PTPRM: variants seen among roughly 807,000 people sequenced by gnomAD.
The protein encoded by PTPRM is protein tyrosine phosphatase receptor type M.
A neutral mutation model predicts 186.7 loss-of-function variants in PTPRM; 47 were observed. That is an observed-to-expected ratio of 0.25 (90% confidence interval 0.20 to 0.32). The LOEUF is 0.32. Among genes scored for constraint, PTPRM ranks in the 10% least tolerant of loss-of-function variants. PTPRM has a pLI of 1.00. For synonymous variants in PTPRM, 668 were observed against 674.9 expected (o/e 0.99, Z 0.16); for missense variants, 1,494 against 1,865.0 (o/e 0.80, Z 3.66).
intron 15 of PTPRM, among the ~76,000 whole-genome samples, chr18:8,244,485 A>G (rs569627015): frequency 1.3e-5 from 2 of 152,304 alleles, no homozygotes; most frequent in African/African-American, 4.8e-5. Flanking sequence ...CTTTTGAGGA[A>G]GAAGGCACCT....
chr18:7,731,251 C>T (rs1011192066), intron 1 of PTPRM, among the ~76,000 whole-genome samples: 2 of 152,096 alleles, frequency 1.3e-5, no homozygotes, highest in Non-Finnish European at 2.9e-5. Flanking sequence ...ACTTTATGGT[C>T]CTTAATTTTC....
At chr18:7,870,081 T>G (rs995120320) in intron 2 of PTPRM, among the ~76,000 whole-genome samples, 1 of 152,200 alleles carries the variant, frequency 6.6e-6, no homozygotes, top group African/African-American at 2.4e-5. Context: ...GAGAGCTGAA[T>G]TTTCAAGATG....
intron 1 of PTPRM, among the ~76,000 whole-genome samples, chr18:7,608,086 G>A (rs191098125): frequency 2.6e-5 from 4 of 152,186 alleles, no homozygotes; most frequent in Admixed American, 6.5e-5. Flanking sequence ...GGAAGGCAGC[G>A]TTCCTGGGAG....
At chr18:7,998,026 G>A (rs1407365430) in intron 7 of PTPRM, among the ~76,000 whole-genome samples, 1 of 152,134 alleles carries the variant, frequency 6.6e-6, no homozygotes, top group Admixed American at 6.6e-5. Context: ...CCACTGCTGG[G>A]TATTTGGGTA....
chr18:7,821,723 C>T (rs1369519315), intron 2 of PTPRM, among the ~76,000 whole-genome samples: 2 of 152,154 alleles, frequency 1.3e-5, no homozygotes, highest in African/African-American at 2.4e-5. Flanking sequence ...GTTCCTTGAA[C>T]ACAAACACTG....
chr18:8,005,652 G>A (rs1392902280), intron 7 of PTPRM, among the ~76,000 whole-genome samples: 4 of 152,136 alleles, frequency 2.6e-5, no homozygotes, highest in Non-Finnish European at 4.4e-5. Context: ...TCTTTGTGCA[G>A]TGGTGCCTTT....
intron 1 of PTPRM, among the ~76,000 whole-genome samples, chr18:7,638,113 T>A (rs2038361465): frequency 6.6e-6 from 1 of 152,120 alleles, no homozygotes; most frequent in Non-Finnish European, 1.5e-5. Context: ...GAAGACTGAT[T>A]AGTTGAAGTC....
At chr18:7,767,727 G>C (rs1280232020) in intron 1 of PTPRM, among the ~76,000 whole-genome samples, 1 of 152,042 alleles carries the variant, frequency 6.6e-6, no homozygotes, top group Non-Finnish European at 1.5e-5. Context: ...AAAAAAGAAA[G>C]AGAATTCAAC....
intron 1 of PTPRM, among the ~76,000 whole-genome samples, chr18:7,587,915 T>G (rs549119796): frequency 1.3e-5 from 2 of 152,240 alleles, no homozygotes; most frequent in South Asian, 4.1e-4. Flanking sequence ...TTCAAGTAAG[T>G]TTTAATTTGC....
At chr18:7,685,718 T>G (rs1294856263) in intron 1 of PTPRM, among the ~76,000 whole-genome samples, 1 of 148,102 alleles carries the variant, frequency 6.8e-6, no homozygotes, top group Non-Finnish European at 1.5e-5. Flanking sequence ...AGGCTATTGG[T>G]TTTTTTTTTG....
At chr18:8,059,204 C>G (rs901631484) in intron 7 of PTPRM, among the ~76,000 whole-genome samples, 1 of 146,138 alleles carries the variant, frequency 6.8e-6, no homozygotes, top group African/African-American at 2.6e-5. Flanking sequence ...GTATTTTATT[C>G]TCTTTGAAGC....
chr18:7,998,141 A>C (rs1340037239), intron 7 of PTPRM, among the ~76,000 whole-genome samples: 1 of 152,218 alleles, frequency 6.6e-6, no homozygotes, highest in East Asian at 1.9e-4. Context: ...CCCAGTGTCC[A>C]TCAATGGATG....
At chr18:8,190,281 C>CT (rs2093693998) in intron 14 of PTPRM, among the ~76,000 whole-genome samples, 1 of 152,204 alleles carries the variant, frequency 6.6e-6, no homozygotes, top group Non-Finnish European at 1.5e-5. Flanking sequence ...GCCTCCCTCC[C>CT]CACACAGCCT....
At position 8,149,035 on chromosome 18, in the gene PTPRM, T is replaced by C. The variant is rs556615947; in HGVS notation, c.2300+5256T>C. Among the ~76,000 whole-genome samples, 18 of 152,314 alleles carry C rather than the reference T, an allele frequency of 1.2e-4. No homozygotes were observed. In the South Asian group the frequency reaches 3.7e-3, roughly 32 times the overall value. On this transcript the variant is annotated intron_variant, in intron 14 of 32. Coordinates refer to ENST00000580170, the MANE Select transcript of PTPRM (RefSeq NM_001105244.2). ...GAGAGACTGTTTGTTATGATTTCCT[T>C]TCTTTTGAATTTGCTGAGGAGAGTT...
chr18:7,675,203 C>A (rs1410406780), intron 1 of PTPRM, among the ~76,000 whole-genome samples: 1 of 152,124 alleles, frequency 6.6e-6, no homozygotes, highest in Admixed American at 6.5e-5. Context: ...GTATTGTTGG[C>A]GGAGTCCTTA....
chr18:8,146,501 G>GCT (rs1555771281), intron 14 of PTPRM, among the ~76,000 whole-genome samples: 1 of 149,194 alleles, frequency 6.7e-6, no homozygotes, highest in Non-Finnish European at 1.5e-5. Flanking sequence ...TAATGGGATT[G>GCT]TTTTTTTTTT....
intron 1 of PTPRM, among the ~76,000 whole-genome samples, chr18:7,648,515 G>A (rs1326731929): frequency 3.3e-5 from 5 of 152,198 alleles, no homozygotes; most frequent in Non-Finnish European, 7.3e-5. Flanking sequence ...TGATTGCAGA[G>A]GAAAAGTTCT....
At chr18:8,327,587 C>T (rs923477289) in intron 22 of PTPRM, among the ~76,000 whole-genome samples, 2 of 152,158 alleles carry the variant, frequency 1.3e-5, no homozygotes, top group African/African-American at 2.4e-5. Flanking sequence ...CGATGTGCCA[C>T]GCACCACTTA....
intron 2 of PTPRM, among the ~76,000 whole-genome samples, chr18:7,844,285 A>G (rs1353811123): frequency 6.6e-6 from 1 of 152,208 alleles, no homozygotes; most frequent in Non-Finnish European, 1.5e-5. Flanking sequence ...CATGTAAAAT[A>G]CACTCACTTC....
Sources: gnomAD v4.1 joint callset for allele counts (sites outside exome capture counted in the v4.1 genomes callset) on GRCh38, gnomAD v4.1.1 for gene constraint, MANE v1.5 for transcripts, NCBI Gene and HGNC (gene_info 2026-07-23, HGNC 2026-07-21) for gene names.